Variants in PRR29 observed in about 807,000 individuals in gnomAD.
The protein encoded by PRR29 is proline rich 29, also known as proline-rich protein 29.
PRR29 carries 20 observed loss-of-function variants against 25.1 expected under a neutral mutation model. The observed-to-expected ratio is 0.80, with a 90% CI of 0.56 to 1.16. PRR29 has a LOEUF of 1.16. Ranked by LOEUF, PRR29 falls within the 50% of genes most tolerant of loss-of-function variation. PRR29 has a pLI of 0.00. For synonymous variants in PRR29, 108 were observed against 102.6 expected (o/e 1.05, Z -0.32); for missense variants, 238 against 246.6 (o/e 0.97, Z 0.23).
In PRR29 at chr17:64,003,009, C is replaced by G; in HGVS notation, c.*1248C>G. On this transcript the variant is annotated 3_prime_UTR_variant, in exon 6 of 6. Transcript: ENST00000412177. Reference sequence around the variant, plus strand: ...AAAGGGAGTGGAAGTCCACCCCCAACCCAGACCCCCAGACCCCGCCGCCCG... The same window carrying G: ...AAAGGGAGTGGAAGTCCACCCCCAAGCCAGACCCCCAGACCCCGCCGCCCG... 1.7e-6 allele frequency: 2 copies of G among 1,190,762 alleles called. No individual in the cohort carries two copies. The highest frequency in any genetic ancestry group is 2.4e-6 in the Non-Finnish European group (2 of 846,532). 73.8% of individuals were successfully genotyped at this position (1,190,762 alleles called of 1,614,324 possible).
Position 64,003,585 on chromosome 17 carries a change from C to T in PRR29, c.*1824C>T. 2.0e-6 allele frequency: 3 copies of T among 1,506,880 alleles called. No individual in the cohort carries two copies. Among genetic ancestry groups the T allele is most frequent in the Middle Eastern group, 1.8e-4 (1 of 5,678 alleles). 93.3% of individuals were successfully genotyped at this position (1,506,880 alleles called of 1,614,324 possible). ...CCAAGTGGGACTCAAGATTTTTCTT[C>T]CCCCGAGGGGCTGAAAGTGACTTAT... is the stretch of plus-strand genomic sequence containing the variant. On this transcript the variant is annotated 3_prime_UTR_variant, in exon 6 of 6. Transcript: ENST00000412177.
At chr17:64,001,445 C>A in intron 4 of PRR29, 22 bp from the exon 5 acceptor site, 1 of 1,497,060 alleles carries the variant, frequency 6.7e-7, no homozygotes. Context: ...TGATGGGGGT[C>A]TTTTTCTTTC....
Position 64,003,634 on chromosome 17 carries a change from C to A in PRR29, c.*1873C>A. 1 of 1,605,370 alleles carries A rather than the reference C, an allele frequency of 6.2e-7. No homozygotes were observed. The highest frequency in any genetic ancestry group is 8.5e-7 in the Non-Finnish European group (1 of 1,174,300). On this transcript the variant is annotated 3_prime_UTR_variant, in exon 6 of 6. Coordinates refer to ENST00000412177, the MANE Select transcript of PRR29 (RefSeq NM_001164257.2). ...ATCACTCCCAACTCCATCCACGGAT[C>A]CCCCCTCACCATAGATCTCCAACAT...
chr17:64,003,297 C>A lies in PRR29; in HGVS notation c.*1536C>A. The A allele has an allele frequency of 2.4e-6, 1 of 423,646 alleles. No homozygotes were observed. The highest frequency in any genetic ancestry group is 4.6e-5 in the East Asian group (1 of 21,684). 26.2% of individuals were successfully genotyped at this position (423,646 alleles called of 1,614,324 possible). A position where few individuals can be genotyped will look rare whatever the true frequency, so the allele number is the denominator to read the frequency against. ...AACTTCATGCCAGGCTCCCTGTGTG[C>A]CGGCCGTCCAGGGTCACCAAGCAGC... On this transcript the variant is annotated 3_prime_UTR_variant, in exon 6 of 6. Coordinates refer to ENST00000412177, the MANE Select transcript of PRR29 (RefSeq NM_001164257.2).
rs968867265 is a variant in PRR29, at chr17:64,002,566, C to T, written c.*805C>T. On this transcript the variant is annotated 3_prime_UTR_variant, in exon 6 of 6. Transcript: ENST00000412177. ...GGCTCCCCTCCCTGGCCATTGTTAT[C>T]CCAGGAGGAGACACTGTGGGCACAG... The T allele has an allele frequency of 8.1e-6, 5 of 614,626 alleles. No individual in the cohort carries two copies. Among genetic ancestry groups the T allele is most frequent in the Non-Finnish European group, 1.4e-5 (5 of 358,286 alleles). 38.1% of individuals were successfully genotyped at this position (614,626 alleles called of 1,614,324 possible).
intron 3 of PRR29, chr17:63,999,301 G>T: frequency 1.7e-6 from 1 of 585,112 alleles, no homozygotes; most frequent in Non-Finnish European, 3.0e-6. Flanking sequence ...TGTTTTCAAG[G>T]AGGTTTCCCT....
chr17:64,003,292 G>A lies in PRR29; in HGVS notation c.*1531G>A, dbSNP rs1413899659. The stretch of plus-strand genomic sequence containing the variant: ...GAGTGAACTTCATGCCAGGCTCCCT[G>A]TGTGCCGGCCGTCCAGGGTCACCAA... On this transcript the variant is annotated 3_prime_UTR_variant, in exon 6 of 6. Transcript: ENST00000412177. 3 of 424,912 alleles carry A rather than the reference G, an allele frequency of 7.1e-6. No individual in the cohort carries two copies. Among genetic ancestry groups the A allele is most frequent in the Non-Finnish European group, 1.3e-5 (3 of 233,168 alleles). 26.3% of individuals were successfully genotyped at this position (424,912 alleles called of 1,614,324 possible).
intron 5 of PRR29, 95 bp downstream of exon 5, chr17:64,001,632 C>T: frequency 6.7e-7 from 1 of 1,500,170 alleles, no homozygotes; most frequent in Non-Finnish European, 8.9e-7. Flanking sequence ...TGGGGGTTTC[C>T]TAACATCACT....
rs150320564 is a variant in PRR29, at chr17:64,003,754, T to C, written c.*1993T>C. ...GAAGTTGCGGTGGCCATCCTCTCTG[T>C]CAGCCGTGCTGTTGAATGTGGCTGT... On this transcript the variant is annotated 3_prime_UTR_variant, in exon 6 of 6. Coordinates refer to ENST00000412177, the MANE Select transcript of PRR29 (RefSeq NM_001164257.2). The C allele has an allele frequency of 2.5e-4, 409 of 1,614,116 alleles. 1 individual carries two copies. Among genetic ancestry groups the C allele is most frequent in the Non-Finnish European group, 3.3e-4 (387 of 1,180,048 alleles).
chr17:64,004,071 A>G lies in PRR29; in HGVS notation c.*2310A>G. ...TCACCATGGTGTTCCACGGTTGGGG[A>G]GGAGGTGGCCTGGCCGGCTCCAGTG... On this transcript the variant is annotated 3_prime_UTR_variant, in exon 6 of 6. Transcript: ENST00000412177. The G allele has an allele frequency of 1.1e-6, 1 of 878,216 alleles. No homozygotes were observed. Among genetic ancestry groups the G allele is most frequent in the African/African-American group, 1.7e-5 (1 of 59,506 alleles). The allele number at this position is 878,216 out of a possible 1,614,324, so 54.4% of individuals were successfully genotyped here.
rs1259383592 is a variant in PRR29 at position 64,001,216 on chromosome 17, T to G, written c.376T>G (p.Trp126Gly). 1 of 1,537,276 alleles carries G rather than the reference T, an allele frequency of 6.5e-7. No individual in the cohort carries two copies. Among genetic ancestry groups the G allele is most frequent in the Non-Finnish European group, 8.7e-7 (1 of 1,146,926 alleles). The change falls in exon 4 of 6, where the codon TGG becomes GGG. Residue 126 changes from tryptophan to glycine, a missense_variant. Coordinates refer to ENST00000412177, the MANE Select transcript of PRR29 (RefSeq NM_001164257.2). ...GCCCTCCCCGGGTGCCCTGCTGCCC[T>G]GGCCAGCCCCCTTCTTCCCCACCCC... Reference protein sequence around the residue: ...LMPSPGALLPWPAPFFPTPAC... With the variant: ...LMPSPGALLPGPAPFFPTPAC...
At chr17:63,999,984 T>A (rs1598005968) in intron 3 of PRR29, 1 of 152,678 alleles carries the variant, frequency 6.5e-6, no homozygotes, top group East Asian at 1.9e-4. Flanking sequence ...ATAGTGGGCA[T>A]CCTGAGGTCA....
At position 63,999,426 on chromosome 17, in the gene PRR29, A is replaced by T. The variant is rs114275876; in HGVS notation, c.243+352A>T. 2,136 of 336,536 alleles carry T rather than the reference A, an allele frequency of 6.3e-3. 53 individuals are homozygous for T. The highest frequency in any genetic ancestry group is 0.043 in the African/African-American group (2,028 of 46,854). 20.8% of individuals were successfully genotyped at this position (336,536 alleles called of 1,614,324 possible). On this transcript the variant is annotated intron_variant, in intron 3 of 5. Coordinates refer to ENST00000412177, the MANE Select transcript of PRR29 (RefSeq NM_001164257.2). ...CTGACACCGTGTAGGGGCTCAGCTGATATTTGTTGAACGAGTGAATGAATA... is the reference window on the plus strand; with the variant it reads ...CTGACACCGTGTAGGGGCTCAGCTGTTATTTGTTGAACGAGTGAATGAATA...
Position 64,002,042 on chromosome 17 carries a change from G to T in PRR29, c.*281G>T. ...GCCCGCCTCTGCCCCACTGCTTCCT[G>T]CCTGGAGCAGGGGGAGGCCTGGGAA... is the stretch of plus-strand genomic sequence containing the variant. On this transcript the variant is annotated 3_prime_UTR_variant, in exon 6 of 6. Transcript: ENST00000412177. 2 of 1,496,046 alleles carry T rather than the reference G, an allele frequency of 1.3e-6. No homozygotes were observed. Among genetic ancestry groups the T allele is most frequent in the African/African-American group, 1.4e-5 (1 of 72,334 alleles). 92.7% of individuals were successfully genotyped at this position (1,496,046 alleles called of 1,614,324 possible). A position where few individuals can be genotyped will look rare whatever the true frequency, so the allele number is the denominator to read the frequency against.
intron 3 of PRR29, among the ~76,000 whole-genome samples, chr17:64,000,295 C>T (rs544585204): frequency 1.8e-4 from 27 of 152,304 alleles, no homozygotes; most frequent in African/African-American, 4.1e-4. Flanking sequence ...GTAGTAAACG[C>T]TCAATAAACA....
At position 63,998,369 on chromosome 17, in the gene PRR29, C is replaced by G. The variant is rs1457056061; in HGVS notation, c.5C>G (p.Ala2Gly). The G allele has an allele frequency of 6.5e-7, 1 of 1,529,188 alleles. No individual in the cohort carries two copies. Among genetic ancestry groups the G allele is most frequent in the Admixed American group, 2.0e-5 (1 of 49,938 alleles). The allele number at this position is 1,529,188 out of a possible 1,614,324, so 94.7% of individuals were successfully genotyped here. The change falls in exon 1 of 6, where the codon GCC (alanine) becomes GGC (glycine). Residue 2 changes from alanine (A) to glycine (G), a missense_variant. Ala to Gly is a moderately conservative substitution (Grantham distance 60, BLOSUM62 0). Transcript: ENST00000412177. Reference sequence around the variant, plus strand: ...CCAAGGCAACCGGCGCCAGCCATGGCCTCTGGGGCGGGCGGAAGCTGGGGT... The same window carrying G: ...CCAAGGCAACCGGCGCCAGCCATGGGCTCTGGGGCGGGCGGAAGCTGGGGT... MASGAGGSWGRS... is the reference protein window; with the variant it reads MGSGAGGSWGRS...
Position 63,998,808 on chromosome 17 carries a change from C to T in PRR29, c.136+26C>T, listed in dbSNP as rs1489708606. ...GTGAGACTCCCGGGTCCCCCCACCC[C>T]ACCCCCACCATCACCACCACTCACC... On this transcript the variant is annotated intron_variant, in intron 2 of 5. Coordinates refer to ENST00000412177, the MANE Select transcript of PRR29 (RefSeq NM_001164257.2). The T allele has an allele frequency of 3.5e-6, 4 of 1,155,504 alleles. No individual in the cohort carries two copies. The Admixed American group carries it at 6.0e-5, about 17-fold the overall frequency. 71.6% of individuals were successfully genotyped at this position (1,155,504 alleles called of 1,614,324 possible).
chr17:64,001,640 A>G, intron 5 of PRR29, 93 bp from the exon 6 acceptor site: 2 of 1,504,328 alleles, frequency 1.3e-6, no homozygotes, highest in Non-Finnish European at 1.8e-6. Context: ...TCCTAACATC[A>G]CTGCTGCAGG....
In PRR29 at chr17:64,001,717, G is replaced by A; in HGVS notation, c.542-16G>A. 1 of 1,536,732 alleles carries A rather than the reference G, an allele frequency of 6.5e-7. No individual in the cohort carries two copies. The highest frequency in any genetic ancestry group is 1.2e-5 in the South Asian group (1 of 84,038). On this transcript the variant is annotated splice_polypyrimidine_tract_variant and intron_variant, in intron 5 of 5. Coordinates refer to ENST00000412177, the MANE Select transcript of PRR29 (RefSeq NM_001164257.2). ...TGAGACAGGAGGGAGTCAAGATGAG[G>A]TTCTTGTTTCCCCAGACTACTATGA...
Sources: gnomAD v4.1 joint callset for allele counts (sites outside exome capture counted in the v4.1 genomes callset) on GRCh38, gnomAD v4.1.1 for gene constraint, MANE v1.5 for transcripts, NCBI Gene and HGNC (gene_info 2026-07-23, HGNC 2026-07-21) for gene names.